ALG12: variants seen among roughly 807,000 people sequenced by gnomAD.
The protein encoded by ALG12 is ALG12 alpha-1,6-mannosyltransferase, also known as dol-P-Man:Man(7)GlcNAc(2)-PP-Dol alpha-1,6-mannosyltransferase.
In ALG12, 36 loss-of-function variants were observed where a neutral mutation model predicts 46.0. The ratio of observed to expected loss-of-function variants is 0.78; its 90% confidence interval spans 0.60 to 1.03. The LOEUF is 1.03. Ranked by LOEUF, ALG12 falls within the 50% of genes least tolerant of loss-of-function variation. The probability of loss-of-function intolerance (pLI) is 0.00; values close to 1 mark genes in which losing one functional copy is unlikely to be tolerated. For synonymous variants in ALG12, 326 were observed against 291.6 expected, an observed-to-expected ratio of 1.12 and a Z score of -1.20; for missense variants, 599 against 633.5, an observed-to-expected ratio of 0.95 and a Z score of 0.58.
At chr22:49,897,663 CTT>C (rs146468551), downstream of ALG12, among the ~76,000 whole-genome samples, 4,626 of 103,352 alleles carry the variant, frequency 0.045, 74 homozygotes, top group African/African-American at 0.11. Flanking sequence ...CCCATGTTTT[CTT>C]TTTTTTTTTT....
At chr22:49,878,570 C>A in the ALG12 span, among the ~76,000 whole-genome samples, 8,512 of 152,240 alleles carry the variant, frequency 0.056, 646 homozygotes, top group African/African-American at 0.17. Flanking sequence ...AAATGAACTT[C>A]AATCCTTCAG....
intron 1 of ALG12, among the ~76,000 whole-genome samples, chr22:49,916,166 T>C (rs1345256355): frequency 2.0e-5 from 3 of 152,062 alleles, no homozygotes; most frequent in East Asian, 3.9e-4. Context: ...GGCAGGAGAA[T>C]GGTGTGAACC....
chr22:49,887,838 G>T, the ALG12 span: 1 of 167,246 alleles, frequency 6.0e-6, no homozygotes, highest in South Asian at 2.1e-4. Flanking sequence ...TACATGGTCA[G>T]TTAACTCAGA....
chr22:49,910,252 AG>A (rs1271546866), intron 4 of ALG12, among the ~76,000 whole-genome samples, 164 bp from the exon 5 acceptor site: 15 of 152,388 alleles, frequency 9.8e-5, no homozygotes, highest in Admixed American at 7.8e-4. Flanking sequence ...GCTGTTGGCC[AG>A]GAAGTGTGTC....
chr22:49,859,747 G>A, the ALG12 span, among the ~76,000 whole-genome samples: 3 of 152,172 alleles, frequency 2.0e-5, no homozygotes, highest in Admixed American at 6.5e-5. Flanking sequence ...GTAGTTTTGC[G>A]GGGTGTGGTG....
rs1221299523 is a variant in ALG12, at chr22:49,901,723, T to C, written c.*2115A>G. 2.0e-5 allele frequency: 3 copies of C among 147,916 alleles called. No homozygotes were observed. Among genetic ancestry groups the C allele is most frequent in the Admixed American group, 6.7e-5 (1 of 14,972 alleles). The allele number at this position is 147,916 out of a possible 1,614,324, so 9.2% of individuals were successfully genotyped here. ...TGTGTGGATGCATGTGTGGTGTGTA[T>C]GCATGGTGTGCACGTGCATTGTGCA... On this transcript the variant is annotated 3_prime_UTR_variant, in exon 10 of 10. Coordinates refer to ENST00000330817, the MANE Select transcript of ALG12 (RefSeq NM_024105.4).
chr22:49,886,317 C>A, the ALG12 span: 2 of 1,583,064 alleles, frequency 1.3e-6, no homozygotes, highest in South Asian at 1.1e-5. The surrounding 1 kb of genome is among the most constrained non-coding windows in gnomAD (Gnocchi z 7.7). Flanking sequence ...ATCACCTCAT[C>A]CAGGACGTCC....
intron 1 of ALG12, among the ~76,000 whole-genome samples, chr22:49,917,119 A>G (rs943778076): frequency 6.6e-6 from 1 of 152,204 alleles, no homozygotes; most frequent in Non-Finnish European, 1.5e-5. Context: ...ACCAGCAAGC[A>G]CGAAAACCAC....
chr22:49,885,476 A>T, the ALG12 span: 1 of 1,612,638 alleles, frequency 6.2e-7, no homozygotes, highest in South Asian at 1.1e-5. Flanking sequence ...AGACATTTAC[A>T]GCGGTTCCAT....
Position 49,902,044 on chromosome 22 carries a change from G to A in ALG12, c.*1794C>T, listed in dbSNP as rs2060511823. 1 of 137,828 alleles carries A rather than the reference G, an allele frequency of 7.3e-6. No homozygotes were observed. 8.5% of individuals were successfully genotyped at this position (137,828 alleles called of 1,614,324 possible). On this transcript the variant is annotated 3_prime_UTR_variant, in exon 10 of 10. Coordinates refer to ENST00000330817, the MANE Select transcript of ALG12 (RefSeq NM_024105.4). ...GCACGCGTGCACTGTGTGTATGCATGGTAACGTACACGTGTGCACTGTGTG... is the reference window on the plus strand; with the variant it reads ...GCACGCGTGCACTGTGTGTATGCATAGTAACGTACACGTGTGCACTGTGTG...
the ALG12 span, among the ~76,000 whole-genome samples, chr22:49,877,539 C>T: frequency 6.6e-6 from 1 of 152,102 alleles, no homozygotes; most frequent in Non-Finnish European, 1.5e-5. Context: ...TGATCCCTCC[C>T]ACCTTGGCCT....
intron 5 of ALG12, 130 bp downstream of exon 5, chr22:49,909,764 T>A: frequency 7.6e-7 from 1 of 1,323,312 alleles, no homozygotes; most frequent in Admixed American, 1.9e-5. Context: ...AGGATTGAAA[T>A]GTTTTCAACA....
the ALG12 span, chr22:49,885,339 G>A: frequency 6.3e-7 from 1 of 1,590,344 alleles, no homozygotes; most frequent in African/African-American, 1.4e-5. Flanking sequence ...ATAGCAAAAA[G>A]ACCTCGAAGC....
chr22:49,907,565 A>G (rs889649013), intron 7 of ALG12, among the ~76,000 whole-genome samples, 156 bp downstream of exon 7: 2 of 152,136 alleles, frequency 1.3e-5, no homozygotes, highest in African/African-American at 4.8e-5. Context: ...TTAACCCCCT[A>G]GGAGTTGAGG....
At chr22:49,896,525 T>C (rs1341940155), downstream of ALG12, among the ~76,000 whole-genome samples, 3 of 152,222 alleles carry the variant, frequency 2.0e-5, no homozygotes, top group Non-Finnish European at 4.4e-5. Flanking sequence ...GTCCAGCCCA[T>C]TGTCTCTCTG....
At chr22:49,877,640 T>C in the ALG12 span, among the ~76,000 whole-genome samples, 1 of 152,116 alleles carries the variant, frequency 6.6e-6, no homozygotes, top group African/African-American at 2.4e-5. Flanking sequence ...TAAACACATA[T>C]TTACAGTGCA....
chr22:49,915,461 G>A (rs950110169), intron 1 of ALG12, among the ~76,000 whole-genome samples: 1 of 152,144 alleles, frequency 6.6e-6, no homozygotes, highest in Admixed American at 6.5e-5. Context: ...GGAGGCTAAG[G>A]CAGGAGAATC....
At chr22:49,886,803 C>T in the ALG12 span, 4 of 1,612,982 alleles carry the variant, frequency 2.5e-6, no homozygotes, top group Non-Finnish European at 3.4e-6. The surrounding 1 kb of genome is among the most constrained non-coding windows in gnomAD (Gnocchi z 7.7). Context: ...CTGCCTCCCA[C>T]AGGTGTGATG....
rs762256657 is a variant in ALG12 at position 49,903,946 on chromosome 22, G to A, written c.1359C>T (p.Ser453=). 14 of 1,614,090 alleles carry A rather than the reference G, an allele frequency of 8.7e-6. No homozygotes were observed. The Admixed American group carries it at 1.3e-4, about 15-fold the overall frequency. ...LYRDTHRVLA[S]VVGTTGVSLN... is the part of the protein sequence containing the mutation. Reference sequence around the variant, plus strand: ...GACTCACACCTGTGGTCCCCACGACGCTGGCCAGGACCCGGTGTGTGTCCC... The same window carrying A: ...GACTCACACCTGTGGTCCCCACGACACTGGCCAGGACCCGGTGTGTGTCCC... Residue 453 remains serine (S), a synonymous_variant, in exon 10 of 10, where the codon AGC becomes AGT. Coordinates refer to ENST00000330817, the MANE Select transcript of ALG12 (RefSeq NM_024105.4).
Sources: gnomAD v4.1 joint callset for allele counts (sites outside exome capture counted in the v4.1 genomes callset) on GRCh38, gnomAD v4.1.1 for gene constraint, Gnocchi (gnomAD v3.1) non-coding constraint, MANE v1.5 for transcripts, NCBI Gene and HGNC (gene_info 2026-07-23, HGNC 2026-07-21) for gene names.